Variants in TRIM24 observed in about 807,000 individuals in gnomAD.
TRIM24 encodes tripartite motif containing 24.
TRIM24 carries 29 observed loss-of-function variants against 123.9 expected under a neutral mutation model. That is an observed-to-expected ratio of 0.23 (90% CI 0.17 to 0.32). TRIM24 has a LOEUF of 0.32. Among genes scored for constraint, TRIM24 ranks in the 10% least tolerant of loss-of-function variants. The pLI, the probability that TRIM24 is intolerant of heterozygous loss-of-function variation, is 1.00. For missense variants in TRIM24, 932 were observed against 1,295.3 expected (o/e 0.72, Z 4.31); for synonymous variants, 456 against 461.1 (o/e 0.99, Z 0.14).
intron 10 of TRIM24, among the ~76,000 whole-genome samples, chr7:138,568,229 C>G: frequency 6.6e-6 from 1 of 151,888 alleles, no homozygotes; most frequent in Non-Finnish European, 1.5e-5. Flanking sequence ...CACCATTTCT[C>G]CTGCCTCAGC....
chr7:138,555,279 T>G (rs1215872461), intron 9 of TRIM24, among the ~76,000 whole-genome samples: 1 of 152,188 alleles, frequency 6.6e-6, no homozygotes, highest in African/African-American at 2.4e-5. Context: ...CTATAATTCC[T>G]ATATTGGTGC....
chr7:138,562,262 T>C (rs1797442789), intron 9 of TRIM24, among the ~76,000 whole-genome samples: 1 of 152,172 alleles, frequency 6.6e-6, no homozygotes, highest in Non-Finnish European at 1.5e-5. Flanking sequence ...GTGGGAGTCT[T>C]GTCCAGGTGA....
intron 2 of TRIM24, among the ~76,000 whole-genome samples, chr7:138,504,751 C>A: frequency 6.7e-6 from 1 of 149,654 alleles, no homozygotes; most frequent in Middle Eastern, 3.3e-3. Context: ...TGAGCCACCG[C>A]ACCTGGCCTC....
At position 138,460,699 on chromosome 7, in the gene TRIM24, A is replaced by C; in HGVS notation, c.151A>C (p.Asn51His). 6.4e-7 allele frequency: 1 copy of C among 1,555,198 alleles called. No homozygotes were observed. Among genetic ancestry groups the C allele is most frequent in the Non-Finnish European group, 8.7e-7 (1 of 1,155,368 alleles). Residue 51 changes from asparagine (N) to histidine (H), a missense_variant, in exon 1 of 19, where the codon AAC (asparagine) becomes CAC (histidine). Coordinates refer to ENST00000343526, the MANE Select transcript of TRIM24 (RefSeq NM_015905.3). Reference sequence around the variant, plus strand: ...GCGCGGCGGCGAGGCGGCCCGGCTCAACCTGTTGGACACTTGCGCCGTGTG... The same window carrying C: ...GCGCGGCGGCGAGGCGGCCCGGCTCCACCTGTTGGACACTTGCGCCGTGTG... ...SERGGEAARLNLLDTCAVCHQ... is the reference protein window; with the variant it reads ...SERGGEAARLHLLDTCAVCHQ...
At chr7:138,512,528 C>T (rs1796311551) in intron 2 of TRIM24, among the ~76,000 whole-genome samples, 1 of 152,142 alleles carries the variant, frequency 6.6e-6, no homozygotes. Flanking sequence ...CTCATGCATT[C>T]TGTGTATCTG....
In TRIM24 at chr7:138,587,169, A is replaced by G. The variant is rs765752164; in HGVS notation, c.*2218A>G. On this transcript the variant is annotated 3_prime_UTR_variant, in exon 19 of 19. Transcript: ENST00000343526. ...AGAGTTCGAGATCAGCCTGGCCAAC[A>G]TTGTGAAACCCCGCCTCTACAAAAA... The G allele has an allele frequency of 2.6e-5, 4 of 152,172 alleles. No homozygotes were observed. The highest frequency in any genetic ancestry group is 9.7e-5 in the African/African-American group (4 of 41,436). 9.4% of individuals were successfully genotyped at this position (152,172 alleles called of 1,614,324 possible).
intron 1 of TRIM24, among the ~76,000 whole-genome samples, chr7:138,468,955 CAGTT>C (rs1328958976): frequency 6.6e-6 from 1 of 152,230 alleles, no homozygotes; most frequent in Middle Eastern, 3.2e-3. Context: ...AAATAGTCCT[CAGTT>C]AGGGAATCAA....
chr7:138,494,151 T>C (rs1225826061), intron 1 of TRIM24, among the ~76,000 whole-genome samples: 1 of 151,944 alleles, frequency 6.6e-6, no homozygotes, highest in Admixed American at 6.6e-5. Context: ...CCAGCTAATT[T>C]TTATATTTTT....
intron 1 of TRIM24, among the ~76,000 whole-genome samples, chr7:138,465,494 A>G (rs1795116386): frequency 6.6e-6 from 1 of 152,216 alleles, no homozygotes; most frequent in African/African-American, 2.4e-5. Flanking sequence ...AATATTGAAG[A>G]GCTATTTTTA....
chr7:138,484,849 G>A (rs150629004), intron 1 of TRIM24, among the ~76,000 whole-genome samples: 4 of 152,150 alleles, frequency 2.6e-5, no homozygotes, highest in Admixed American at 6.5e-5. Flanking sequence ...TTTAACTCTG[G>A]ATTCAGTTTT....
At chr7:138,504,065 G>A (rs1341282437) in intron 1 of TRIM24, among the ~76,000 whole-genome samples, 1 of 152,022 alleles carries the variant, frequency 6.6e-6, no homozygotes, top group Non-Finnish European at 1.5e-5. Flanking sequence ...GGGAAGGGAG[G>A]CATTTCATTT....
chr7:138,481,883 G>A (rs538387600), intron 1 of TRIM24, among the ~76,000 whole-genome samples: 5 of 152,108 alleles, frequency 3.3e-5, no homozygotes, highest in African/African-American at 1.2e-4. Context: ...TTGGGTTTTC[G>A]TTTCATCTGC....
chr7:138,585,938 A>G lies in TRIM24; in HGVS notation c.*987A>G, dbSNP rs779584933. 2 of 515,912 alleles carry G rather than the reference A, an allele frequency of 3.9e-6. No homozygotes were observed. The highest frequency in any genetic ancestry group is 3.9e-5 in the Admixed American group (2 of 51,512). 32.0% of individuals were successfully genotyped at this position (515,912 alleles called of 1,614,324 possible). A position where few individuals can be genotyped will look rare whatever the true frequency, so the allele number is the denominator to read the frequency against. ...TTTTTGTGGTTTTCATCTGTCTATA[A>G]TTTGGAATGAAAATGTGTTGTAGGA... On this transcript the variant is annotated 3_prime_UTR_variant, in exon 19 of 19. Coordinates refer to ENST00000343526, the MANE Select transcript of TRIM24 (RefSeq NM_015905.3).
At chr7:138,568,853 A>G (rs1205974742) in intron 10 of TRIM24, among the ~76,000 whole-genome samples, 1 of 152,096 alleles carries the variant, frequency 6.6e-6, no homozygotes, top group Admixed American at 6.5e-5. Context: ...AGATGATGCA[A>G]TTTTCATAAT....
intron 1 of TRIM24, among the ~76,000 whole-genome samples, chr7:138,492,931 T>C (rs546187131): frequency 3.3e-4 from 51 of 152,306 alleles, no homozygotes; most frequent in African/African-American, 1.1e-3. Flanking sequence ...TTTCTTTATT[T>C]TTTCATTTTA....
chr7:138,580,104 C>G (rs978636073), intron 15 of TRIM24, among the ~76,000 whole-genome samples: 4 of 152,126 alleles, frequency 2.6e-5, no homozygotes, highest in African/African-American at 7.2e-5. Context: ...GGATGATGAT[C>G]ATCATCATGA....
At chr7:138,553,723 G>A (rs552743770) in intron 8 of TRIM24, among the ~76,000 whole-genome samples, 10 of 152,196 alleles carry the variant, frequency 6.6e-5, no homozygotes, top group East Asian at 3.9e-4. Flanking sequence ...TGTTAGGTTC[G>A]CTTGTTTTGA....
intron 14 of TRIM24, among the ~76,000 whole-genome samples, chr7:138,578,594 G>T (rs1362169915): frequency 2.0e-5 from 3 of 151,894 alleles, no homozygotes; most frequent in Admixed American, 6.6e-5. Context: ...GCAGGACGGG[G>T]TTGGAGAATC....
At chr7:138,551,260 T>A in intron 8 of TRIM24, 80 bp downstream of exon 8, 1 of 1,286,922 alleles carries the variant, frequency 7.8e-7, no homozygotes, top group South Asian at 1.2e-5. Flanking sequence ...ACTGAAAATA[T>A]GTTCACTTAG....
Sources: allele counts gnomAD v4.1 joint callset (sites outside exome capture counted in the v4.1 genomes callset), GRCh38; gene constraint gnomAD v4.1.1; transcripts MANE v1.5; gene names NCBI Gene and HGNC (gene_info 2026-07-23, HGNC 2026-07-21).